The following CELF2 variants were observed in gnomAD, a reference collection of about 807,000 sequenced individuals.
CELF2 encodes the protein CUGBP Elav-like family member 2, also known as CUG triplet repeat RNA-binding protein 2.
CELF2 carries 8 observed loss-of-function variants against 62.6 expected under a neutral mutation model. That is an observed-to-expected ratio of 0.13 (90% confidence interval 0.07 to 0.23). The LOEUF (loss-of-function observed/expected upper bound fraction) is 0.23. CELF2 is among the 10% of genes least tolerant of loss of function. The pLI is 1.00. For missense variants in CELF2, 333 were observed against 671.0 expected, an observed-to-expected ratio of 0.50 and a Z score of 5.56; for synonymous variants, 258 against 250.0, an observed-to-expected ratio of 1.03 and a Z score of -0.30.
the CELF2 span, among the ~76,000 whole-genome samples, chr10:10,667,119 A>G: frequency 0.3 from 45,407 of 152,010 alleles, 7,319 homozygotes; most frequent in South Asian, 0.52. Context: ...ATTTGGAAAT[A>G]TTTTAAGATG....
At chr10:10,703,465 C>T in the CELF2 span, among the ~76,000 whole-genome samples, 1 of 152,190 alleles carries the variant, frequency 6.6e-6, no homozygotes, top group Non-Finnish European at 1.5e-5. Context: ...CAGATAGATC[C>T]TCCCCACTGG....
At chr10:10,507,307 C>T in the CELF2 span, among the ~76,000 whole-genome samples, 6 of 190 alleles carry the variant, frequency 0.032, no homozygotes, top group African/African-American at 0.093. Context: ...AATACTCACA[C>T]CTAAATTTTG....
At chr10:10,752,312 G>A in the CELF2 span, among the ~76,000 whole-genome samples, 1 of 152,176 alleles carries the variant, frequency 6.6e-6, no homozygotes, top group Non-Finnish European at 1.5e-5. Context: ...GTAGCAAGTG[G>A]ATAGCTGCAG....
At chr10:10,486,496 C>A in the CELF2 span, among the ~76,000 whole-genome samples, 3 of 152,130 alleles carry the variant, frequency 2.0e-5, no homozygotes, top group Non-Finnish European at 4.4e-5. Flanking sequence ...ATTCATTATA[C>A]AGCAGGTTGA....
chr10:11,027,880 C>A (rs1473471891), intron 1 of CELF2, among the ~76,000 whole-genome samples: 1 of 152,200 alleles, frequency 6.6e-6, no homozygotes, highest in African/African-American at 2.4e-5. Context: ...GTATTACCGT[C>A]AGACTAATGT....
chr10:11,309,487 C>G lies in CELF2; in HGVS notation c.977-4652C>G, dbSNP rs1340632246. On this transcript the variant is annotated intron_variant, in intron 9 of 12. Coordinates refer to ENST00000633077, the MANE Select transcript of CELF2 (RefSeq NM_001326342.2). The surrounding 1 kb of genome is among the most constrained non-coding windows in gnomAD (Gnocchi z 5.6). Reference sequence around the variant, plus strand: ...CCCTTTCACTGCCTCTTTGCCTGATCTCTGTTAAGTTTCTGGCTGCTGTAT... The same window carrying G: ...CCCTTTCACTGCCTCTTTGCCTGATGTCTGTTAAGTTTCTGGCTGCTGTAT... Among the ~76,000 whole-genome samples the G allele has an allele frequency of 2.0e-5, 3 of 152,236 alleles. No individual in the cohort carries two copies. Among genetic ancestry groups the G allele is most frequent in the African/African-American group, 7.2e-5 (3 of 41,460 alleles).
intron 2 of CELF2, among the ~76,000 whole-genome samples, chr10:10,922,067 C>CT (rs1223024277): frequency 6.6e-6 from 1 of 151,610 alleles, no homozygotes; most frequent in African/African-American, 2.4e-5. Context: ...CATTTGGTTG[C>CT]TTTTTTTATG....
chr10:10,616,946 A>T, the CELF2 span, among the ~76,000 whole-genome samples: 1 of 151,900 alleles, frequency 6.6e-6, no homozygotes. Flanking sequence ...TTGTAGAGAC[A>T]TAGTCTCGCT....
At chr10:11,292,637 G>T (rs1329446451) in intron 9 of CELF2, among the ~76,000 whole-genome samples, 1 of 152,252 alleles carries the variant, frequency 6.6e-6, no homozygotes, top group Non-Finnish European at 1.5e-5. Context: ...CACCAGATGG[G>T]AAAGAGTGGG....
upstream of CELF2, among the ~76,000 whole-genome samples, chr10:11,015,428 G>A (rs1248682871): frequency 6.6e-6 from 1 of 152,194 alleles, no homozygotes; most frequent in African/African-American, 2.4e-5. The surrounding 1 kb of genome is among the most constrained non-coding windows in gnomAD (Gnocchi z 4.8). Context: ...GGGGTGATGT[G>A]TGTGAGTATT....
chr10:11,167,053 C>A (rs1392282703), intron 2 of CELF2, among the ~76,000 whole-genome samples: 1 of 152,192 alleles, frequency 6.6e-6, no homozygotes, highest in African/African-American at 2.4e-5. Context: ...AATGTTGTCA[C>A]CACAAACTTG....
At chr10:10,726,998 G>A in the CELF2 span, among the ~76,000 whole-genome samples, 11 of 152,160 alleles carry the variant, frequency 7.2e-5, no homozygotes, top group South Asian at 2.1e-4. Context: ...AAGAGAGAGG[G>A]GGATGGCAGC....
the CELF2 span, among the ~76,000 whole-genome samples, chr10:10,585,502 A>T: frequency 6.6e-6 from 1 of 152,190 alleles, no homozygotes; most frequent in Non-Finnish European, 1.5e-5. Context: ...GTTTCAGCTG[A>T]TTGTGTTAGA....
chr10:11,022,533 G>T (rs1247043127), intron 1 of CELF2, among the ~76,000 whole-genome samples: 3 of 151,582 alleles, frequency 2.0e-5, no homozygotes, highest in African/African-American at 7.3e-5. Flanking sequence ...TCAGTGTTTG[G>T]TTGTTTTTTT....
intron 1 of CELF2, among the ~76,000 whole-genome samples, chr10:11,129,680 A>G (rs1371624111): frequency 4.6e-4 from 70 of 152,160 alleles, no homozygotes; most frequent in Admixed American, 4.6e-3. Flanking sequence ...TGTTTACAGT[A>G]TTCTCTGATG....
At chr10:11,258,930 C>T (rs1054216800) in intron 5 of CELF2, among the ~76,000 whole-genome samples, 5 of 152,180 alleles carry the variant, frequency 3.3e-5, no homozygotes, top group African/African-American at 7.2e-5. Context: ...GTGATCCACC[C>T]GCCTCAGCCT....
the CELF2 span, among the ~76,000 whole-genome samples, chr10:10,484,927 C>T: frequency 6.6e-6 from 1 of 152,016 alleles, no homozygotes; most frequent in Non-Finnish European, 1.5e-5. Flanking sequence ...GAAAATATCC[C>T]TTTTGTTGAA....
the CELF2 span, among the ~76,000 whole-genome samples, chr10:10,544,670 C>A: frequency 0.97 from 147,302 of 152,346 alleles, 71,237 homozygotes; most frequent in Middle Eastern, 0.98. Flanking sequence ...AAATTTTGTG[C>A]GACATCATTA....
the CELF2 span, among the ~76,000 whole-genome samples, chr10:10,668,723 C>T: frequency 0.043 from 6,493 of 152,128 alleles, 197 homozygotes; most frequent in Non-Finnish European, 0.065. Flanking sequence ...TTTGGGAGGC[C>T]GAGGTGGGGG....
Sources: gnomAD v4.1 joint callset for allele counts (sites outside exome capture counted in the v4.1 genomes callset) on GRCh38, gnomAD v4.1.1 for gene constraint, Gnocchi (gnomAD v3.1) non-coding constraint, MANE v1.5 for transcripts, NCBI Gene and HGNC (gene_info 2026-07-23, HGNC 2026-07-21) for gene names.